Variants in PPP6R3 observed in about 807,000 individuals in gnomAD.
The protein encoded by PPP6R3 is protein phosphatase 6 regulatory subunit 3.
Under a neutral mutation model 110.7 loss-of-function variants are expected in PPP6R3, and 38 were observed. The observed-to-expected ratio is 0.34, with a 90% CI of 0.26 to 0.45. The LOEUF (loss-of-function observed/expected upper bound fraction) is 0.45, where lower values mean the gene tolerates loss of function less well. Ranked by LOEUF, PPP6R3 falls within the 20% of genes least tolerant of loss-of-function variation. The pLI is 1.00. For missense variants in PPP6R3, 870 were observed against 1,062.4 expected, an observed-to-expected ratio of 0.82 and a Z score of 2.52; for synonymous variants, 369 against 373.5, an observed-to-expected ratio of 0.99 and a Z score of 0.14.
In PPP6R3 at chr11:68,588,758, T is replaced by TAAA. The variant is rs367918194; in HGVS notation, c.1730+748_1730+750dup. ...CTGCGCCTGGCCAAGACTCGGTCTT[T>TAAA]AAAAAAAAAAAAAAAATCACTGCAA... is the stretch of plus-strand genomic sequence containing the variant. On this transcript the variant is annotated intron_variant, in intron 16 of 23. Transcript: ENST00000393800. 6.3e-5 allele frequency among the ~76,000 whole-genome samples: 9 copies of TAAA among 141,746 alleles called. No individual in the cohort carries two copies. The East Asian group carries it at 1.7e-3, about 27-fold the overall frequency. The allele number at this position is 141,746 out of a possible 152,430, so 93.0% of individuals were successfully genotyped here.
intron 3 of PPP6R3, among the ~76,000 whole-genome samples, chr11:68,542,399 T>TTTTTTTTTTTTTC (rs2099323794): frequency 9.1e-6 from 1 of 109,366 alleles, no homozygotes; most frequent in Non-Finnish European, 1.9e-5. Context: ...GTTTTTTTTT[T>TTTTTTTTTTTTTC]TTTTTTTTTT....
chr11:68,529,959 C>T (rs1383819287), intron 2 of PPP6R3, among the ~76,000 whole-genome samples: 1 of 152,112 alleles, frequency 6.6e-6, no homozygotes, highest in Non-Finnish European at 1.5e-5. Flanking sequence ...AACCACTGGC[C>T]ATGTGTAACT....
rs149900851 is a variant in PPP6R3, at chr11:68,504,399, C to G, written c.-157-15102C>G. Among the ~76,000 whole-genome samples the G allele has an allele frequency of 7.4e-4, 113 of 152,218 alleles. No homozygotes were observed. The East Asian group carries it at 0.021, about 29-fold the overall frequency. ...CTTCTGCCCTGACCCTCTACTTTTT[C>G]ACGTTTCACTTAAGTCAGTAGGCTA... is the stretch of plus-strand genomic sequence containing the variant. On this transcript the variant is annotated intron_variant, in intron 1 of 23. Coordinates refer to ENST00000393800, the MANE Select transcript of PPP6R3 (RefSeq NM_001164161.2).
rs1012878172 is a variant in PPP6R3 at position 68,558,693 on chromosome 11, A to G, written c.845+14A>G. ...ACGACGACCAACGTAAGCTTTTCTT[A>G]TATCTTACAAAATGAACCATGTTGT... On this transcript the variant is annotated intron_variant, in intron 8 of 23. Transcript: ENST00000393800. 12 of 1,562,032 alleles carry G rather than the reference A, an allele frequency of 7.7e-6. No individual in the cohort carries two copies. The highest frequency in any genetic ancestry group is 1.7e-4 in the Middle Eastern group (1 of 5,988).
intron 2 of PPP6R3, among the ~76,000 whole-genome samples, chr11:68,532,840 C>T (rs554324952): frequency 6.6e-6 from 1 of 152,262 alleles, no homozygotes; most frequent in South Asian, 2.1e-4. Context: ...AGCCTAGCAG[C>T]AATAGGCTAT....
rs531964998 is a variant in PPP6R3 at position 68,612,852 on chromosome 11, T to C, written c.2571-214T>C. 2.6e-5 allele frequency: 24 copies of C among 923,560 alleles called. No individual in the cohort carries two copies. In the African/African-American group the frequency reaches 3.0e-4, roughly 12 times the overall value. 57.2% of individuals were successfully genotyped at this position (923,560 alleles called of 1,614,324 possible). A position where few individuals can be genotyped will look rare whatever the true frequency, so the allele number is the denominator to read the frequency against. The stretch of plus-strand genomic sequence containing the variant: ...TTGCTCTGCTGCTGCCCTTGCTGAA[T>C]GCCTGCTCACCCGGTGATGAAGCTT... On this transcript the variant is annotated intron_variant, in intron 23 of 23. Transcript: ENST00000393800.
chr11:68,475,636 G>A, intron 1 of PPP6R3, among the ~76,000 whole-genome samples: 1 of 147,030 alleles, frequency 6.8e-6, no homozygotes, highest in East Asian at 2.0e-4. Flanking sequence ...GGTGGGGGCT[G>A]CCCCCCACCT....
chr11:68,463,829 C>T (rs764066725), intron 1 of PPP6R3, among the ~76,000 whole-genome samples: 1 of 152,188 alleles, frequency 6.6e-6, no homozygotes, highest in Non-Finnish European at 1.5e-5. Flanking sequence ...CCCTCACCCC[C>T]CAGGAAACAT....
intron 2 of PPP6R3, among the ~76,000 whole-genome samples, chr11:68,536,376 C>G (rs185503669): frequency 3.3e-5 from 5 of 152,058 alleles, no homozygotes; most frequent in African/African-American, 1.2e-4. Context: ...CAGCCTCAGC[C>G]TCCTTAGTAG....
At chr11:68,581,213 A>G (rs1272385434) in intron 14 of PPP6R3, among the ~76,000 whole-genome samples, 1 of 152,192 alleles carries the variant, frequency 6.6e-6, no homozygotes, top group Non-Finnish European at 1.5e-5. Flanking sequence ...AACTAGTTTC[A>G]TTTTGGAGAA....
At chr11:68,503,243 G>A (rs1425001052) in intron 1 of PPP6R3, among the ~76,000 whole-genome samples, 4 of 152,172 alleles carry the variant, frequency 2.6e-5, no homozygotes, top group Non-Finnish European at 4.4e-5. Context: ...TGCCCGGCCT[G>A]GAGAAGAATA....
At chr11:68,465,285 C>G (rs550592891) in intron 1 of PPP6R3, among the ~76,000 whole-genome samples, 2 of 152,326 alleles carry the variant, frequency 1.3e-5, no homozygotes, top group East Asian at 1.9e-4. Context: ...ATACAGTATG[C>G]TCAGCCTTTA....
chr11:68,612,032 A>G (rs901673453), intron 23 of PPP6R3, among the ~76,000 whole-genome samples: 1 of 152,186 alleles, frequency 6.6e-6, no homozygotes, highest in South Asian at 2.1e-4. Flanking sequence ...CTTATTTCAT[A>G]TGTATACTAG....
At chr11:68,463,543 T>A (rs112382411) in intron 1 of PPP6R3, among the ~76,000 whole-genome samples, 85 of 152,260 alleles carry the variant, frequency 5.6e-4, no homozygotes, top group African/African-American at 1.9e-3. Context: ...TGTGTGTGTG[T>A]GTTTTGGTCT....
intron 1 of PPP6R3, among the ~76,000 whole-genome samples, chr11:68,507,593 C>T (rs759187476): frequency 1.3e-5 from 2 of 152,166 alleles, no homozygotes; most frequent in Non-Finnish European, 2.9e-5. Flanking sequence ...CTTCCCATCT[C>T]ATTACCTTCA....
At chr11:68,542,628 T>C (rs1476894543) in intron 3 of PPP6R3, among the ~76,000 whole-genome samples, 1 of 152,020 alleles carries the variant, frequency 6.6e-6, no homozygotes, top group Non-Finnish European at 1.5e-5. Flanking sequence ...TCCTGACCTC[T>C]GGTGATCCAT....
At chr11:68,490,952 T>C (rs1314832365) in intron 1 of PPP6R3, among the ~76,000 whole-genome samples, 1 of 152,206 alleles carries the variant, frequency 6.6e-6, no homozygotes, top group Non-Finnish European at 1.5e-5. Flanking sequence ...TTTGGGAGGC[T>C]GAGGCAGGCA....
At position 68,491,328 on chromosome 11, in the gene PPP6R3, C is replaced by CTGTGTGTGTG. The variant is rs60972668; in HGVS notation, c.-157-28131_-157-28122dup. On this transcript the variant is annotated intron_variant, in intron 1 of 23. Coordinates refer to ENST00000393800, the MANE Select transcript of PPP6R3 (RefSeq NM_001164161.2). ...CCAGAAGGTTGTTAAGTGTCTTCAGCTGTGTGTGTGTGTGTGTGTGTGTGT... is the reference window on the plus strand; with the variant it reads ...CCAGAAGGTTGTTAAGTGTCTTCAGCTGTGTGTGTGTGTGTGTGTGTGTGTGTGTGTGTGT... 2.0e-3 allele frequency among the ~76,000 whole-genome samples: 247 copies of CTGTGTGTGTG among 123,560 alleles called. 1 individual carries two copies. Among genetic ancestry groups the CTGTGTGTGTG allele is most frequent in the East Asian group, 4.2e-3 (17 of 4,014 alleles). 81.1% of individuals were successfully genotyped at this position (123,560 alleles called of 152,430 possible). A position where few individuals can be genotyped will look rare whatever the true frequency, so the allele number is the denominator to read the frequency against.
chr11:68,572,879 AC>A (rs1463288428), intron 12 of PPP6R3, among the ~76,000 whole-genome samples: 1 of 150,450 alleles, frequency 6.6e-6, no homozygotes, highest in Non-Finnish European at 1.5e-5. Context: ...ACCCTTAGGC[AC>A]CCCCAAGCCC....
Sources: allele counts gnomAD v4.1 joint callset (sites outside exome capture counted in the v4.1 genomes callset), GRCh38; gene constraint gnomAD v4.1.1; transcripts MANE v1.5; gene names NCBI Gene and HGNC (gene_info 2026-07-23, HGNC 2026-07-21).